Variants in CABIN1 observed in about 807,000 individuals in gnomAD.
CABIN1 encodes the protein calcineurin binding protein 1.
In CABIN1, 133 loss-of-function variants were observed where a neutral mutation model predicts 227.7. That is an observed-to-expected ratio of 0.58 (90% CI 0.51 to 0.67). The LOEUF is 0.67. Among genes scored for constraint, CABIN1 ranks in the 30% least tolerant of loss-of-function variants. The probability of loss-of-function intolerance (pLI) is 0.00; values close to 1 mark genes in which losing one functional copy is unlikely to be tolerated. For synonymous variants in CABIN1, 1,086 were observed against 1,155.1 expected, an observed-to-expected ratio of 0.94 and a Z score of 1.21; for missense variants, 2,408 against 2,852.5, an observed-to-expected ratio of 0.84 and a Z score of 3.55.
Position 24,070,754 on chromosome 22 carries a change from T to A in CABIN1, c.2233-46T>A, listed in dbSNP as rs748154847. ...TCTCTGCTCAGGCCTTGGGCCCAGA[T>A]GTGCTGAGCTCACCGTGCACTTCAC... On this transcript the variant is annotated intron_variant, in intron 16 of 36. Coordinates refer to ENST00000263119, the MANE Select transcript of CABIN1 (RefSeq NM_012295.4). 6.2e-6 allele frequency: 10 copies of A among 1,613,722 alleles called. No homozygotes were observed. In the East Asian group the frequency reaches 2.2e-4, roughly 36 times the overall value.
At chr22:24,078,748 G>C (rs1341440352) in intron 19 of CABIN1, among the ~76,000 whole-genome samples, 1 of 151,986 alleles carries the variant, frequency 6.6e-6, no homozygotes, top group East Asian at 1.9e-4. Context: ...TTTTATATGT[G>C]TTGACAATCT....
rs5760185 is a variant in CABIN1, at chr22:24,038,417, G to A, written c.166G>A (p.Ala56Thr). The change falls in exon 4 of 37, where the codon GCC becomes ACC. Residue 56 changes from alanine (A) to threonine (T), a missense_variant. Ala to Thr is a moderately conservative substitution (Grantham distance 58). This residue lies in a region of CABIN1 where 1,045 missense variants were observed against 1,168.4 expected (regional missense o/e 0.89). Coordinates refer to ENST00000263119, the MANE Select transcript of CABIN1 (RefSeq NM_012295.4). ...GAAACATGACCGGTTTGAGGAGTCT[G>A]CCAAAGCCTACCATGAGCTCTTGGA... ...LQKHDRFEES[A>T]KAYHELLEAS... 37 of 1,614,050 alleles carry A rather than the reference G, an allele frequency of 2.3e-5. No homozygotes were observed. In the East Asian group the frequency reaches 7.8e-4, roughly 34 times the overall value.
chr22:24,101,635 T>C, intron 26 of CABIN1: 1 of 152,410 alleles, frequency 6.6e-6, no homozygotes. Context: ...CTCTGGCTGG[T>C]TGTGCTCCCC....
chr22:24,080,503 A>G (rs2040737714), intron 19 of CABIN1, among the ~76,000 whole-genome samples: 1 of 152,160 alleles, frequency 6.6e-6, no homozygotes, highest in Non-Finnish European at 1.5e-5. Flanking sequence ...TTTTTGTATG[A>G]TTGAGTCTTT....
At chr22:24,040,377 A>G (rs2037273239) in intron 4 of CABIN1, among the ~76,000 whole-genome samples, 1 of 152,334 alleles carries the variant, frequency 6.6e-6, no homozygotes, top group African/African-American at 2.4e-5. Flanking sequence ...TGTTCAGAAC[A>G]TGAAGAGCAA....
At chr22:24,095,794 A>T in intron 24 of CABIN1, 137 bp from the exon 25 acceptor site, 1 of 910,274 alleles carries the variant, frequency 1.1e-6, no homozygotes, top group Non-Finnish European at 1.8e-6. Flanking sequence ...TGGTTGGTTT[A>T]AAAGCTAACA....
chr22:24,063,832 T>G (rs766072962), intron 14 of CABIN1, among the ~76,000 whole-genome samples: 26 of 152,154 alleles, frequency 1.7e-4, no homozygotes, highest in Non-Finnish European at 3.1e-4. Flanking sequence ...CCTCGCAGAG[T>G]TGACATGGAC....
chr22:24,154,869 C>G (rs1270415125), intron 29 of CABIN1, among the ~76,000 whole-genome samples: 1 of 152,182 alleles, frequency 6.6e-6, no homozygotes, highest in Non-Finnish European at 1.5e-5. Context: ...CAGGTGGAAA[C>G]CAGCCAGCTC....
intron 1 of CABIN1, among the ~76,000 whole-genome samples, chr22:24,017,128 T>A (rs911522453): frequency 1.3e-5 from 2 of 150,568 alleles, no homozygotes; most frequent in African/African-American, 4.9e-5. Flanking sequence ...CCTCCACCTC[T>A]TGGGTTCAAG....
In CABIN1 at chr22:24,177,792, CGGA is replaced by C; in HGVS notation, c.6499_6501del (p.Glu2167del). On this transcript the variant is annotated inframe_deletion, in exon 36 of 37. Transcript: ENST00000263119. The surrounding 1 kb of genome is among the most constrained non-coding windows in gnomAD (Gnocchi z 4.4). ...CTGCTCTCCCCCAAAGGCAGCATCT[CGGA>C]GGAGACCAAGCAGAAGCTGAAGGTG... The C allele has an allele frequency of 6.2e-7, 1 of 1,608,214 alleles. No homozygotes were observed.
chr22:24,120,919 G>A (rs1647143151), intron 28 of CABIN1, among the ~76,000 whole-genome samples: 1 of 152,224 alleles, frequency 6.6e-6, no homozygotes, highest in Non-Finnish European at 1.5e-5. Context: ...GGGTGAGGGT[G>A]CTGTTGTGCC....
intron 6 of CABIN1, 109 bp downstream of exon 6, chr22:24,043,193 C>T (rs2037563079): frequency 1.1e-6 from 1 of 883,940 alleles, no homozygotes; most frequent in African/African-American, 1.6e-5. Context: ...AGGGGTTTGC[C>T]AGACTGTCAG....
intron 1 of CABIN1, among the ~76,000 whole-genome samples, chr22:24,027,895 A>G (rs1260962384): frequency 6.6e-6 from 1 of 151,440 alleles, no homozygotes; most frequent in Non-Finnish European, 1.5e-5. Context: ...AAATTGACTA[A>G]GATACAGATT....
intron 33 of CABIN1, among the ~76,000 whole-genome samples, chr22:24,169,074 G>A (rs747735306): frequency 3.9e-5 from 6 of 152,094 alleles, no homozygotes; most frequent in African/African-American, 9.7e-5. Flanking sequence ...GCTGGGGAGG[G>A]GGGGGCGGGG....
chr22:24,038,595 C>T (rs2037114887), intron 4 of CABIN1, 134 bp downstream of exon 4: 2 of 692,590 alleles, frequency 2.9e-6, no homozygotes. Flanking sequence ...CACCTCTCTG[C>T]CCCTATTTCC....
chr22:24,083,792 C>G (rs2040963219), intron 20 of CABIN1, among the ~76,000 whole-genome samples: 1 of 152,096 alleles, frequency 6.6e-6, no homozygotes, highest in East Asian at 1.9e-4. Context: ...CAAAACTACC[C>G]TAAAACCAAA....
intron 1 of CABIN1, among the ~76,000 whole-genome samples, chr22:24,017,971 A>C (rs536067115): frequency 6.6e-6 from 1 of 151,990 alleles, no homozygotes; most frequent in African/African-American, 2.4e-5. Flanking sequence ...TTCTACCTCA[A>C]CTGCCCTGAG....
At chr22:24,068,363 A>G (rs1440917085) in intron 16 of CABIN1, among the ~76,000 whole-genome samples, 1 of 152,168 alleles carries the variant, frequency 6.6e-6, no homozygotes, top group Admixed American at 6.5e-5. Flanking sequence ...CATACCAGGA[A>G]GGGTGCTGGG....
chr22:24,068,481 A>T (rs1047663599), intron 16 of CABIN1, among the ~76,000 whole-genome samples: 40 of 152,342 alleles, frequency 2.6e-4, no homozygotes, highest in African/African-American at 9.6e-4. Context: ...ATGTGGCAGG[A>T]TACCCCATTG....
Sources: allele counts gnomAD v4.1 joint callset (sites outside exome capture counted in the v4.1 genomes callset), GRCh38; gene constraint gnomAD v4.1.1; regional missense constraint gnomAD v4.1.1; non-coding constraint Gnocchi (gnomAD v3.1); transcripts MANE v1.5; gene names NCBI Gene and HGNC (gene_info 2026-07-23, HGNC 2026-07-21).